Variants in IQCJ observed in about 807,000 individuals in gnomAD.
The protein encoded by IQCJ is IQ motif containing J.
In IQCJ, 9 loss-of-function variants were observed where a neutral mutation model predicts 11.0. The observed-to-expected ratio is 0.82, with a 90% CI of 0.49 to 1.43. The LOEUF (loss-of-function observed/expected upper bound fraction) is 1.43, where lower values mean the gene tolerates loss of function less well. Ranked by LOEUF, IQCJ falls within the 40% of genes most tolerant of loss-of-function variation. The probability of loss-of-function intolerance (pLI) is 0.00; values close to 1 mark genes in which losing one functional copy is unlikely to be tolerated. For synonymous variants in IQCJ, 55 were observed against 51.3 expected, an observed-to-expected ratio of 1.07 and a Z score of -0.31; for missense variants, 146 against 133.2, an observed-to-expected ratio of 1.10 and a Z score of -0.47.
chr3:159,157,158 G>A (rs2108212286), intron 1 of IQCJ, among the ~76,000 whole-genome samples: 1 of 152,288 alleles, frequency 6.6e-6, no homozygotes, highest in South Asian at 2.1e-4. Flanking sequence ...GAGAGGAGGA[G>A]GAGACTGAGA....
chr3:159,079,855 C>A (rs1479572654), intron 1 of IQCJ, among the ~76,000 whole-genome samples: 2 of 152,062 alleles, frequency 1.3e-5, no homozygotes, highest in East Asian at 1.9e-4. Flanking sequence ...TTGCACAAAT[C>A]TTTATTTTTT....
In IQCJ at chr3:159,082,108, G is replaced by T. The variant is rs73025592; in HGVS notation, c.9+12667G>T. On this transcript the variant is annotated intron_variant, in intron 1 of 3. Transcript: ENST00000397832. ...TCAAATGTTCATCAAAATCTATGAT[G>T]TACTAACATTGTGGGAAAGTAAGAG... Among the ~76,000 whole-genome samples the T allele has an allele frequency of 7.0e-3, 1,069 of 152,178 alleles. 14 individuals are homozygous for T. The highest frequency in any genetic ancestry group is 0.024 in the African/African-American group (1,013 of 41,536).
At chr3:159,142,364 G>A (rs906685293) in intron 1 of IQCJ, among the ~76,000 whole-genome samples, 5 of 152,104 alleles carry the variant, frequency 3.3e-5, no homozygotes, top group South Asian at 2.1e-4. Flanking sequence ...GGCTTTGTCC[G>A]TGAGAAGCTG....
At chr3:159,228,906 A>G (rs1726021442) in intron 1 of IQCJ, among the ~76,000 whole-genome samples, 1 of 152,228 alleles carries the variant, frequency 6.6e-6, no homozygotes, top group Admixed American at 6.5e-5. Context: ...GAATGGATAA[A>G]TCTATAGAAG....
intron 1 of IQCJ, among the ~76,000 whole-genome samples, chr3:159,219,186 C>T (rs973460807): frequency 2.6e-5 from 4 of 152,034 alleles, no homozygotes; most frequent in African/African-American, 9.7e-5. Flanking sequence ...TTTACTAGAA[C>T]CTTACATCAA....
intron 2 of IQCJ, among the ~76,000 whole-genome samples, chr3:159,247,494 G>A (rs1195600996): frequency 6.6e-6 from 1 of 152,214 alleles, no homozygotes; most frequent in Non-Finnish European, 1.5e-5. Flanking sequence ...GGACAGCCCT[G>A]TAGAAATGTG....
intron 1 of IQCJ, among the ~76,000 whole-genome samples, chr3:159,070,762 G>C (rs1489935409): frequency 1.3e-5 from 2 of 151,976 alleles, no homozygotes; most frequent in African/African-American, 2.4e-5. Context: ...TTCACAAGTA[G>C]GTTTTTTAAA....
Position 159,262,744 on chromosome 3 carries a change from T to A in IQCJ, c.*13T>A. On this transcript the variant is annotated 3_prime_UTR_variant, in exon 4 of 4. Coordinates refer to ENST00000397832, the MANE Select transcript of IQCJ (RefSeq NM_001042706.3). ...GACATTCAACTGAAAGCCTAGACTT[T>A]GGTTCTAAGAGAGAAATCTTGGGAT... is the stretch of plus-strand genomic sequence containing the variant. 6.2e-7 allele frequency: 1 copy of A among 1,609,954 alleles called. No homozygotes were observed. Among genetic ancestry groups the A allele is most frequent in the South Asian group, 1.1e-5 (1 of 90,818 alleles).
chr3:159,141,458 A>G (rs1446826337), intron 1 of IQCJ, among the ~76,000 whole-genome samples: 1 of 152,216 alleles, frequency 6.6e-6, no homozygotes, highest in African/African-American at 2.4e-5. Context: ...AGACTTTATT[A>G]GAATAATAAC....
intron 1 of IQCJ, among the ~76,000 whole-genome samples, chr3:159,245,192 G>A (rs1043836130): frequency 2.6e-5 from 4 of 152,042 alleles, no homozygotes; most frequent in Non-Finnish European, 5.9e-5. Context: ...AAGAGAGAAG[G>A]GTTGCTGAAT....
chr3:159,205,166 T>C (rs75695445), intron 1 of IQCJ, among the ~76,000 whole-genome samples: 4,968 of 152,260 alleles, frequency 0.033, 255 homozygotes, highest in African/African-American at 0.11. Flanking sequence ...TTCTGAAAAC[T>C]ACCCTCAGGT....
At chr3:159,251,620 G>GCATA (rs1553794310) in intron 2 of IQCJ, among the ~76,000 whole-genome samples, 1 of 127,340 alleles carries the variant, frequency 7.9e-6, no homozygotes, top group East Asian at 2.4e-4. Context: ...AATTTTTATT[G>GCATA]CACACACACA....
At chr3:159,259,529 T>C (rs770314172) in intron 3 of IQCJ, among the ~76,000 whole-genome samples, 4 of 152,158 alleles carry the variant, frequency 2.6e-5, no homozygotes, top group Non-Finnish European at 5.9e-5. Context: ...TTCCTTATGA[T>C]TGAGAGATGA....
chr3:159,246,948 A>G (rs992908246), intron 2 of IQCJ, among the ~76,000 whole-genome samples: 1 of 152,182 alleles, frequency 6.6e-6, no homozygotes, highest in Admixed American at 6.5e-5. Context: ...AACAGAATGA[A>G]CTTTGTTAAG....
chr3:159,251,192 C>T (rs184565428), intron 2 of IQCJ, among the ~76,000 whole-genome samples: 66 of 152,162 alleles, frequency 4.3e-4, no homozygotes, highest in Admixed American at 7.2e-4. Flanking sequence ...TTTTCCCTAC[C>T]GCCAGGACAT....
At chr3:159,174,338 T>A (rs1291575608) in intron 1 of IQCJ, among the ~76,000 whole-genome samples, 1 of 152,122 alleles carries the variant, frequency 6.6e-6, no homozygotes, top group Non-Finnish European at 1.5e-5. Flanking sequence ...ATTATATGAT[T>A]AAAAATAGCT....
intron 2 of IQCJ, among the ~76,000 whole-genome samples, chr3:159,246,359 A>G (rs1380202077): frequency 1.3e-5 from 2 of 152,242 alleles, no homozygotes; most frequent in Non-Finnish European, 2.9e-5. Context: ...AAAAGTAAAT[A>G]TTTATAATAT....
At position 159,245,816 on chromosome 3, in the gene IQCJ, G is replaced by T. The variant is rs150746784; in HGVS notation, c.10-27G>T. ...GCTCGGAAGTAGCTGGTGACAATTT[G>T]TAAGATATATCTTCTCTTTTTCACA... On this transcript the variant is annotated intron_variant, in intron 1 of 3. Coordinates refer to ENST00000397832, the MANE Select transcript of IQCJ (RefSeq NM_001042706.3). 9.0e-4 allele frequency: 1,373 copies of T among 1,524,060 alleles called. 6 individuals are homozygous for T. In the African/African-American group the frequency reaches 0.013, roughly 15 times the overall value. 94.4% of individuals were successfully genotyped at this position (1,524,060 alleles called of 1,614,324 possible).
chr3:159,091,049 T>C (rs1450178951), intron 1 of IQCJ, among the ~76,000 whole-genome samples: 1 of 151,876 alleles, frequency 6.6e-6, no homozygotes, highest in Non-Finnish European at 1.5e-5. Flanking sequence ...GTTAATATAA[T>C]TAATGTTGAC....
Sources: allele counts gnomAD v4.1 joint callset (sites outside exome capture counted in the v4.1 genomes callset), GRCh38; gene constraint gnomAD v4.1.1; transcripts MANE v1.5; gene names NCBI Gene and HGNC (gene_info 2026-07-23, HGNC 2026-07-21).